CAMSAP2: variants seen among roughly 807,000 people sequenced by gnomAD.
CAMSAP2 encodes the protein calmodulin-regulated spectrin-associated protein 2.
A neutral mutation model predicts 146.1 loss-of-function variants in CAMSAP2; 26 were observed. That is an observed-to-expected ratio of 0.18 (90% CI 0.13 to 0.25). CAMSAP2 has a LOEUF of 0.25. Among genes scored for constraint, CAMSAP2 ranks in the 10% least tolerant of loss-of-function variants. CAMSAP2 has a pLI of 1.00. For missense variants in CAMSAP2, 1,381 were observed against 1,759.3 expected, an observed-to-expected ratio of 0.78 and a Z score of 3.85; for synonymous variants, 499 against 596.6, an observed-to-expected ratio of 0.84 and a Z score of 2.38.
chr1:200,839,409 T>C (rs552287409), intron 6 of CAMSAP2, among the ~76,000 whole-genome samples: 2 of 152,316 alleles, frequency 1.3e-5, no homozygotes, highest in African/African-American at 2.4e-5. Flanking sequence ...AGAATAGTTA[T>C]TGAGTAAAGG....
At chr1:200,776,024 A>G (rs1463077555) in intron 2 of CAMSAP2, among the ~76,000 whole-genome samples, 3 of 152,054 alleles carry the variant, frequency 2.0e-5, no homozygotes, top group Non-Finnish European at 4.4e-5. Flanking sequence ...TGTTTCTTGC[A>G]TGGTGAAGTA....
At chr1:200,793,815 AAGGTT>A (rs2103034102) in intron 2 of CAMSAP2, among the ~76,000 whole-genome samples, 1 of 152,230 alleles carries the variant, frequency 6.6e-6, no homozygotes, top group African/African-American at 2.4e-5. Flanking sequence ...GCACTACATT[AAGGTT>A]GTAGACTTTC....
chr1:200,775,166 A>T (rs1665237339), intron 2 of CAMSAP2, among the ~76,000 whole-genome samples: 1 of 152,220 alleles, frequency 6.6e-6, no homozygotes, highest in Non-Finnish European at 1.5e-5. Flanking sequence ...AGACCTAAAT[A>T]CCTGAAGGAA....
intron 6 of CAMSAP2, among the ~76,000 whole-genome samples, chr1:200,839,847 A>G (rs577270116): frequency 6.6e-6 from 1 of 152,340 alleles, no homozygotes; most frequent in South Asian, 2.1e-4. Context: ...AACACCTATT[A>G]AAATAAGAAA....
At chr1:200,838,898 G>T (rs1667248106) in intron 6 of CAMSAP2, among the ~76,000 whole-genome samples, 1 of 152,196 alleles carries the variant, frequency 6.6e-6, no homozygotes, top group Non-Finnish European at 1.5e-5. Context: ...TGATGAATTG[G>T]ACATGGGAGA....
intron 6 of CAMSAP2, among the ~76,000 whole-genome samples, chr1:200,834,711 T>G (rs910597037): frequency 1.3e-5 from 2 of 152,168 alleles, no homozygotes; most frequent in Non-Finnish European, 2.9e-5. Context: ...TCCAGGAGTT[T>G]GAGACCGGCC....
At chr1:200,815,443 G>C in intron 3 of CAMSAP2, 118 bp from the exon 4 acceptor site, 1 of 469,010 alleles carries the variant, frequency 2.1e-6, no homozygotes, top group Non-Finnish European at 3.8e-6. Flanking sequence ...GAGTGAGACT[G>C]ATATTTGACA....
chr1:200,846,601 T>C (rs958994305), intron 8 of CAMSAP2, among the ~76,000 whole-genome samples: 5 of 152,232 alleles, frequency 3.3e-5, no homozygotes, highest in African/African-American at 1.2e-4. Context: ...TGGTCCATTG[T>C]AGTTCTCCAA....
chr1:200,763,410 G>A (rs1036846639), intron 2 of CAMSAP2, among the ~76,000 whole-genome samples: 6 of 151,974 alleles, frequency 3.9e-5, no homozygotes, highest in Non-Finnish European at 5.9e-5. Flanking sequence ...GTGGTAGTGC[G>A]CGCCTGTAGT....
At chr1:200,822,779 A>G (rs957893820) in intron 4 of CAMSAP2, among the ~76,000 whole-genome samples, 2 of 152,226 alleles carry the variant, frequency 1.3e-5, no homozygotes, top group African/African-American at 4.8e-5. Context: ...CATATACAGC[A>G]TGGAATGCTG....
At chr1:200,766,439 T>C (rs1199459669) in intron 2 of CAMSAP2, among the ~76,000 whole-genome samples, 1 of 152,162 alleles carries the variant, frequency 6.6e-6, no homozygotes, top group African/African-American at 2.4e-5. Flanking sequence ...GGTAGCTCTT[T>C]TCATTTAGTT....
At chr1:200,825,722 G>A (rs1283870483) in intron 4 of CAMSAP2, among the ~76,000 whole-genome samples, 1 of 151,948 alleles carries the variant, frequency 6.6e-6, no homozygotes, top group African/African-American at 2.4e-5. Flanking sequence ...TGGCCAGGCT[G>A]GTCTCGACCT....
intron 14 of CAMSAP2, among the ~76,000 whole-genome samples, chr1:200,855,169 A>T (rs1186473168): frequency 1.3e-5 from 2 of 152,144 alleles, no homozygotes; most frequent in African/African-American, 4.8e-5. Context: ...AACAGTAATT[A>T]TACATCAGTA....
intron 6 of CAMSAP2, among the ~76,000 whole-genome samples, chr1:200,834,489 CTT>C (rs1326997955): frequency 6.6e-6 from 1 of 152,086 alleles, no homozygotes; most frequent in Non-Finnish European, 1.5e-5. Context: ...AGAATTATGT[CTT>C]ATCCTCCAGA....
At chr1:200,822,590 CTAGA>C (rs1436464057) in intron 4 of CAMSAP2, among the ~76,000 whole-genome samples, 8 of 152,172 alleles carry the variant, frequency 5.3e-5, no homozygotes, top group Non-Finnish European at 2.9e-5. Context: ...TTTACCCCTG[CTAGA>C]TAATGTTCAT....
Position 200,857,815 on chromosome 1 carries a change from T to C in CAMSAP2, c.4193T>C (p.Phe1398Ser). 6.2e-7 allele frequency: 1 copy of C among 1,613,454 alleles called. No homozygotes were observed. The highest frequency in any genetic ancestry group is 8.5e-7 in the Non-Finnish European group (1 of 1,179,750). Residue 1398 changes from phenylalanine (F) to serine (S), a missense_variant, in exon 17 of 17, where the codon TTC becomes TCC. By Grantham distance (155) the Phe-to-Ser change is radical (BLOSUM62 -2). Transcript: ENST00000358823. The surrounding 1 kb of genome is among the most constrained non-coding windows in gnomAD (Gnocchi z 4.7). ...TTGTTCCGGGATTCAGGATGCCAGTTCAGATCTTTATACACTTATTGCCCA... is the reference window on the plus strand; with the variant it reads ...TTGTTCCGGGATTCAGGATGCCAGTCCAGATCTTTATACACTTATTGCCCA... ...LILFRDSGCQ[F>S]RSLYTYCPET...
chr1:200,752,259 C>T (rs912306175), intron 1 of CAMSAP2, among the ~76,000 whole-genome samples: 8 of 152,018 alleles, frequency 5.3e-5, no homozygotes, highest in Non-Finnish European at 1.5e-5. Flanking sequence ...ACATTTTGAG[C>T]ACAGTTTCTT....
intron 1 of CAMSAP2, among the ~76,000 whole-genome samples, chr1:200,754,389 A>G: frequency 6.6e-6 from 1 of 152,070 alleles, no homozygotes; most frequent in East Asian, 1.9e-4. Context: ...CCATTATAAA[A>G]TTATTTTTCC....
intron 4 of CAMSAP2, among the ~76,000 whole-genome samples, chr1:200,830,779 C>T (rs1025124472): frequency 6.6e-6 from 1 of 152,082 alleles, no homozygotes; most frequent in Non-Finnish European, 1.5e-5. Flanking sequence ...TATAGTTACC[C>T]CCTGAATTAG....
Sources: gnomAD v4.1 joint callset for allele counts (sites outside exome capture counted in the v4.1 genomes callset) on GRCh38, gnomAD v4.1.1 for gene constraint, Gnocchi (gnomAD v3.1) non-coding constraint, MANE v1.5 for transcripts, NCBI Gene and HGNC (gene_info 2026-07-23, HGNC 2026-07-21) for gene names.